SF3B3: variants seen among roughly 807,000 people sequenced by gnomAD.
The protein encoded by SF3B3 is splicing factor 3b subunit 3, also known as SAP 130.
A neutral mutation model predicts 139.2 loss-of-function variants in SF3B3; 33 were observed. That is an observed-to-expected ratio of 0.24 (90% CI 0.18 to 0.32). The LOEUF (loss-of-function observed/expected upper bound fraction) is 0.32, where lower values mean the gene tolerates loss of function less well. Ranked by LOEUF, SF3B3 falls within the 10% of genes least tolerant of loss-of-function variation. SF3B3 has a pLI of 1.00. For missense variants in SF3B3, 818 were observed against 1,509.4 expected (o/e 0.54, Z 7.59); for synonymous variants, 596 against 563.6 (o/e 1.06, Z -0.81).
intron 10 of SF3B3, among the ~76,000 whole-genome samples, chr16:70,545,256 A>G (rs548548551): frequency 6.6e-6 from 1 of 152,224 alleles, no homozygotes; most frequent in African/African-American, 2.4e-5. Context: ...TTGTAGAGAC[A>G]GAGTCTTATC....
chr16:70,568,294 T>G lies in SF3B3; in HGVS notation c.2964T>G (p.Asn988Lys). 1.2e-6 allele frequency: 2 copies of G among 1,611,168 alleles called. No individual in the cohort carries two copies. Among genetic ancestry groups the G allele is most frequent in the Non-Finnish European group, 1.7e-6 (2 of 1,177,364 alleles). ...LRKCENKHIA[N>K]YISGIQTIGH... ...TTTGTTTTTCCCAGCATATTGCCAA[T>G]TATATCTCTGGGATCCAGACTATCG... Residue 988 changes from asparagine to lysine, a missense_variant, in exon 22 of 26, where the codon AAT (asparagine) becomes AAG (lysine). Physicochemically the swap from Asn to Lys is moderately conservative, Grantham distance 94. Transcript: ENST00000302516.
intron 3 of SF3B3, chr16:70,529,706 T>G (rs894047308): frequency 3.3e-5 from 5 of 153,662 alleles, no homozygotes; most frequent in African/African-American, 1.2e-4. Flanking sequence ...TTTTGACTAG[T>G]TAGTGGGATA....
intron 5 of SF3B3, among the ~76,000 whole-genome samples, 173 bp downstream of exon 5, chr16:70,532,793 G>A (rs1401334496): frequency 6.6e-6 from 1 of 152,178 alleles, no homozygotes; most frequent in African/African-American, 2.4e-5. Flanking sequence ...AAAAGTGTTG[G>A]GGATAAAGAC....
chr16:70,563,789 G>A (rs186164842), intron 17 of SF3B3, 87 bp from the exon 18 acceptor site: 268 of 1,253,190 alleles, frequency 2.1e-4, no homozygotes, highest in Admixed American at 1.4e-3. Flanking sequence ...AGGGATTGAC[G>A]TGTTTGCTGA....
intron 8 of SF3B3, 22 bp downstream of exon 8, chr16:70,539,229 C>G (rs372484088): frequency 1.3e-5 from 19 of 1,519,058 alleles, no homozygotes; most frequent in Non-Finnish European, 1.6e-5. Flanking sequence ...TTCTGTTACC[C>G]TAGTTCACCC....
chr16:70,534,575 A>G (rs182918045), intron 5 of SF3B3, among the ~76,000 whole-genome samples: 38 of 152,306 alleles, frequency 2.5e-4, no homozygotes, highest in Admixed American at 2.2e-3. Context: ...TGATGGTAGT[A>G]TTCTCTAAGG....
intron 9 of SF3B3, among the ~76,000 whole-genome samples, chr16:70,542,708 C>CT (rs138202630): frequency 8.7e-5 from 13 of 150,116 alleles, no homozygotes; most frequent in Middle Eastern, 3.4e-3. Context: ...TGACTAATTT[C>CT]TTTTTTTTTC....
intron 15 of SF3B3, 120 bp from the exon 16 acceptor site, chr16:70,560,349 A>T: frequency 9.7e-7 from 1 of 1,034,624 alleles, no homozygotes; most frequent in South Asian, 2.0e-5. Context: ...TTTTTTAAAC[A>T]CCCAAGTCAT....
chr16:70,553,621 A>G (rs944390708), intron 11 of SF3B3, among the ~76,000 whole-genome samples: 3 of 152,230 alleles, frequency 2.0e-5, no homozygotes, highest in Admixed American at 1.3e-4. Flanking sequence ...GGATGGGGAC[A>G]CTTGCAGAAG....
chr16:70,544,968 T>G (rs1193304865), intron 10 of SF3B3, among the ~76,000 whole-genome samples: 3 of 152,258 alleles, frequency 2.0e-5, no homozygotes, highest in Non-Finnish European at 4.4e-5. Context: ...ACATCTAGTC[T>G]TAGTTAAATC....
At chr16:70,537,442 G>A (rs1262080764) in intron 6 of SF3B3, among the ~76,000 whole-genome samples, 3 of 152,144 alleles carry the variant, frequency 2.0e-5, no homozygotes, top group Non-Finnish European at 4.4e-5. Context: ...TTTTCACCTG[G>A]TGGTTTTGGT....
intron 1 of SF3B3, 140 bp from the exon 2 acceptor site, chr16:70,526,447 C>T: frequency 3.9e-6 from 2 of 507,830 alleles, no homozygotes; most frequent in Non-Finnish European, 6.9e-6. Context: ...ACCTCGTGAG[C>T]CACCACGCCC....
At chr16:70,550,568 C>T in intron 11 of SF3B3, 3 of 626,740 alleles carry the variant, frequency 4.8e-6, no homozygotes, top group Non-Finnish European at 6.0e-6. Flanking sequence ...GCACATGCAG[C>T]AGTCTTCCAG....
chr16:70,571,047 C>T (rs1161839290), intron 24 of SF3B3, 48 bp from the exon 25 acceptor site: 2 of 1,264,518 alleles, frequency 1.6e-6, no homozygotes, highest in Admixed American at 1.7e-5. Flanking sequence ...AAACTCTAGA[C>T]TAGTTGAAAT....
chr16:70,549,162 G>T (rs2050297634), intron 11 of SF3B3, among the ~76,000 whole-genome samples: 1 of 152,206 alleles, frequency 6.6e-6, no homozygotes, highest in South Asian at 2.1e-4. Flanking sequence ...GTTCTCTCAG[G>T]AATGTGGGAT....
chr16:70,567,707 A>G (rs564158555), intron 21 of SF3B3, among the ~76,000 whole-genome samples, 171 bp downstream of exon 21: 2 of 152,292 alleles, frequency 1.3e-5, no homozygotes, highest in South Asian at 4.1e-4. Context: ...GGTTTTTGAG[A>G]CGGAGTCTCG....
chr16:70,556,786 A>C, intron 14 of SF3B3, 100 bp from the exon 15 acceptor site: 1 of 1,364,634 alleles, frequency 7.3e-7, no homozygotes, highest in Non-Finnish European at 1.0e-6. Flanking sequence ...TCTGTGCATA[A>C]GGAAGTACTT....
chr16:70,566,317 C>A (rs995639757), intron 20 of SF3B3, among the ~76,000 whole-genome samples: 1 of 151,872 alleles, frequency 6.6e-6, no homozygotes, highest in Non-Finnish European at 1.5e-5. Context: ...AATCCCAGCA[C>A]TTTGGAAGGC....
In SF3B3 at chr16:70,571,955, C is replaced by T. The variant is rs2050533367; in HGVS notation, c.*142C>T. On this transcript the variant is annotated 3_prime_UTR_variant, in exon 26 of 26. Coordinates refer to ENST00000302516, the MANE Select transcript of SF3B3 (RefSeq NM_012426.5). The stretch of plus-strand genomic sequence containing the variant: ...TTATGAAAGTCAACAGCTCTTTCCC[C>T]TCAGCTCTTCTCCTGGAATGACTGG... 5 of 978,368 alleles carry T rather than the reference C, an allele frequency of 5.1e-6. No homozygotes were observed. In the South Asian group the frequency reaches 7.8e-5, roughly 15 times the overall value. 60.6% of individuals were successfully genotyped at this position (978,368 alleles called of 1,614,324 possible).
Sources: gnomAD v4.1 joint callset for allele counts (sites outside exome capture counted in the v4.1 genomes callset) on GRCh38, gnomAD v4.1.1 for gene constraint, MANE v1.5 for transcripts, NCBI Gene and HGNC (gene_info 2026-07-23, HGNC 2026-07-21) for gene names.